LRP1B: variants seen among roughly 807,000 people sequenced by gnomAD.
LRP1B encodes low-density lipoprotein receptor-related protein 1B.
Under a neutral mutation model 556.6 loss-of-function variants are expected in LRP1B, and 217 were observed. That is an observed-to-expected ratio of 0.39 (90% CI 0.35 to 0.44). The LOEUF is 0.44. Ranked by LOEUF, LRP1B falls within the 20% of genes least tolerant of loss-of-function variation. The pLI is 1.00. For missense variants in LRP1B, 5,053 were observed against 5,620.8 expected, an observed-to-expected ratio of 0.90 and a Z score of 3.23; for synonymous variants, 2,047 against 1,865.8, an observed-to-expected ratio of 1.10 and a Z score of -2.50.
intron 7 of LRP1B, among the ~76,000 whole-genome samples, chr2:141,077,567 C>T (rs910415800): frequency 2.0e-4 from 30 of 152,226 alleles, no homozygotes; most frequent in African/African-American, 7.0e-4. Context: ...TGTCTATAGT[C>T]GGCTGCCTTT....
At chr2:140,892,981 A>T (rs550775830) in intron 23 of LRP1B, among the ~76,000 whole-genome samples, 1 of 152,284 alleles carries the variant, frequency 6.6e-6, no homozygotes, top group African/African-American at 2.4e-5. Context: ...CTACATTGAA[A>T]TGACTTCCTC....
intron 2 of LRP1B, among the ~76,000 whole-genome samples, chr2:141,610,429 T>G (rs528282413): frequency 6.6e-6 from 1 of 152,222 alleles, no homozygotes; most frequent in South Asian, 2.1e-4. Flanking sequence ...CATGCTTTTC[T>G]AAGCTGCCAC....
intron 51 of LRP1B, among the ~76,000 whole-genome samples, chr2:140,513,111 T>G (rs985768022): frequency 1.3e-5 from 2 of 152,086 alleles, no homozygotes; most frequent in African/African-American, 4.8e-5. Flanking sequence ...CTCATAAATA[T>G]AGTGTACATT....
intron 27 of LRP1B, among the ~76,000 whole-genome samples, chr2:140,858,529 A>AG (rs1692689299): frequency 3.4e-5 from 5 of 147,682 alleles, no homozygotes; most frequent in African/African-American, 7.4e-5. Context: ...AGAGAGAGAG[A>AG]AAGGAAAGAG....
intron 41 of LRP1B, among the ~76,000 whole-genome samples, chr2:140,653,022 A>G (rs1402818113): frequency 6.6e-6 from 1 of 152,148 alleles, no homozygotes; most frequent in Non-Finnish European, 1.5e-5. Flanking sequence ...TTTGAGGAAT[A>G]TCTCCAACAG....
chr2:142,054,591 C>T (rs558936654), intron 1 of LRP1B, among the ~76,000 whole-genome samples: 5 of 152,060 alleles, frequency 3.3e-5, no homozygotes, highest in Non-Finnish European at 4.4e-5. Flanking sequence ...TACATGTTTA[C>T]GATGACACAT....
intron 7 of LRP1B, among the ~76,000 whole-genome samples, chr2:141,183,989 G>A (rs1386425310): frequency 6.6e-6 from 1 of 151,988 alleles, no homozygotes; most frequent in Admixed American, 6.6e-5. Context: ...CTCAAGTATA[G>A]TGTGATGATT....
At chr2:140,489,122 TG>T in intron 57 of LRP1B, among the ~76,000 whole-genome samples, 1 of 152,200 alleles carries the variant, frequency 6.6e-6, no homozygotes, top group Non-Finnish European at 1.5e-5. Flanking sequence ...GAGAAGGTTC[TG>T]GCAAATACTG....
intron 3 of LRP1B, among the ~76,000 whole-genome samples, chr2:141,399,421 C>T (rs1690364450): frequency 7.6e-6 from 1 of 132,064 alleles, no homozygotes; most frequent in African/African-American, 2.6e-5. Context: ...AAAACAAACC[C>T]TGGAAGGTTT....
intron 1 of LRP1B, among the ~76,000 whole-genome samples, chr2:141,994,867 A>AT (rs1343489498): frequency 2.0e-5 from 3 of 152,136 alleles, no homozygotes; most frequent in Non-Finnish European, 4.4e-5. Context: ...AAAGATTGAG[A>AT]TTATGCTTTC....
chr2:140,420,973 G>A (rs1184527923), intron 66 of LRP1B, among the ~76,000 whole-genome samples: 1 of 138,842 alleles, frequency 7.2e-6, no homozygotes, highest in African/African-American at 2.6e-5. Flanking sequence ...GTGGTTTCCT[G>A]GGCTGGGCAC....
intron 2 of LRP1B, among the ~76,000 whole-genome samples, chr2:141,772,099 C>A (rs1694919883): frequency 6.6e-6 from 1 of 151,984 alleles, no homozygotes; most frequent in Non-Finnish European, 1.5e-5. Context: ...TACCACCATG[C>A]CCGGCCGATG....
intron 7 of LRP1B, among the ~76,000 whole-genome samples, chr2:141,098,048 A>T (rs1700364462): frequency 6.6e-6 from 1 of 152,194 alleles, no homozygotes; most frequent in African/African-American, 2.4e-5. Context: ...CAACCTTGAA[A>T]TGATCATAAT....
At position 141,816,030 on chromosome 2, in the gene LRP1B, G is replaced by A. The variant is rs117480480; in HGVS notation, c.83-5629C>T. Among the ~76,000 whole-genome samples the A allele has an allele frequency of 2.0e-5, 3 of 152,280 alleles. No homozygotes were observed. The East Asian group carries it at 5.8e-4, about 29-fold the overall frequency. Reference sequence around the variant, plus strand: ...CTAATAGCAATGAGGATCCAGCTAAGGTTAAAAAGTGTGCAGTTGACAGTT... The same window carrying A: ...CTAATAGCAATGAGGATCCAGCTAAAGTTAAAAAGTGTGCAGTTGACAGTT... On this transcript the variant is annotated intron_variant, in intron 1 of 90. Coordinates refer to ENST00000389484, the MANE Select transcript of LRP1B (RefSeq NM_018557.3).
intron 2 of LRP1B, among the ~76,000 whole-genome samples, chr2:141,687,835 T>C (rs1691367649): frequency 6.6e-6 from 1 of 151,892 alleles, no homozygotes; most frequent in South Asian, 2.1e-4. Flanking sequence ...ACCTGGCATA[T>C]TTATAGTTTA....
chr2:141,121,067 G>C (rs1701034996), intron 7 of LRP1B, among the ~76,000 whole-genome samples: 2 of 151,998 alleles, frequency 1.3e-5, no homozygotes, highest in South Asian at 4.1e-4. Context: ...AAGTTGGTTT[G>C]GATTCAAATC....
intron 3 of LRP1B, among the ~76,000 whole-genome samples, chr2:141,439,389 C>G (rs1573946240): frequency 6.6e-6 from 1 of 151,822 alleles, no homozygotes; most frequent in Middle Eastern, 3.4e-3. Context: ...TGTCAGATAT[C>G]CCTTATTATT....
chr2:140,473,374 T>C (rs1687844760), intron 60 of LRP1B, among the ~76,000 whole-genome samples: 1 of 151,960 alleles, frequency 6.6e-6, no homozygotes. Flanking sequence ...TTTAATAACA[T>C]CATACTAGAC....
At chr2:140,764,537 A>T (rs1172409175) in intron 35 of LRP1B, among the ~76,000 whole-genome samples, 1 of 152,196 alleles carries the variant, frequency 6.6e-6, no homozygotes, top group Non-Finnish European at 1.5e-5. Context: ...GGGACTAATA[A>T]AGAGGGATTC....
Sources: gnomAD v4.1 joint callset for allele counts (sites outside exome capture counted in the v4.1 genomes callset) on GRCh38, gnomAD v4.1.1 for gene constraint, MANE v1.5 for transcripts, NCBI Gene and HGNC (gene_info 2026-07-23, HGNC 2026-07-21) for gene names.